TENM2: variants seen among roughly 807,000 people sequenced by gnomAD.
TENM2 encodes the protein teneurin-2.
Under a neutral mutation model 245.2 loss-of-function variants are expected in TENM2, and 52 were observed. The observed-to-expected ratio is 0.21, with a 90% CI of 0.17 to 0.27. The LOEUF (loss-of-function observed/expected upper bound fraction) is 0.27, where lower values mean the gene tolerates loss of function less well. Ranked by LOEUF, TENM2 falls within the 10% of genes least tolerant of loss-of-function variation. The probability of loss-of-function intolerance (pLI) is 1.00; values close to 1 mark genes in which losing one functional copy is unlikely to be tolerated. For synonymous variants in TENM2, 1,363 were observed against 1,438.9 expected, an observed-to-expected ratio of 0.95 and a Z score of 1.19; for missense variants, 3,046 against 3,666.8, an observed-to-expected ratio of 0.83 and a Z score of 4.37.
chr5:167,356,217 A>AGAAAAATT (rs1478898963), intron 1 of TENM2, among the ~76,000 whole-genome samples: 1 of 129,102 alleles, frequency 7.7e-6, no homozygotes, highest in African/African-American at 3.2e-5. Flanking sequence ...AAAAAAAAAA[A>AGAAAAATT]AAAATTAAAA....
chr5:168,216,832 C>G (rs1763238925), exon 22 of TENM2: 1 of 1,613,834 alleles, frequency 6.2e-7, no homozygotes, highest in Non-Finnish European at 8.5e-7. Context: ...GGAAGGTTGA[C>G]CAGAATGGAA....
intron 3 of TENM2, among the ~76,000 whole-genome samples, chr5:167,939,340 C>T (rs895953981): frequency 1.3e-5 from 2 of 152,158 alleles, no homozygotes; most frequent in Non-Finnish European, 2.9e-5. Context: ...CTAATGCTGC[C>T]ACTGATGTGA....
the TENM2 span, among the ~76,000 whole-genome samples, chr5:167,237,743 G>A: frequency 0.22 from 33,139 of 151,816 alleles, 4,213 homozygotes; most frequent in African/African-American, 0.36. Flanking sequence ...GGCGGGGCCC[G>A]ATGGCTCACG....
intron 25 of TENM2, among the ~76,000 whole-genome samples, chr5:168,241,632 C>T (rs981368474): frequency 6.6e-6 from 1 of 152,010 alleles, no homozygotes; most frequent in Non-Finnish European, 1.5e-5. Context: ...CTTATAGAAA[C>T]AGCAATGGTT....
chr5:167,418,097 A>G (rs1763264877), intron 2 of TENM2, among the ~76,000 whole-genome samples: 1 of 152,218 alleles, frequency 6.6e-6, no homozygotes, highest in Non-Finnish European at 1.5e-5. Context: ...TGGGAGGCCA[A>G]GGTGGGTGGA....
At chr5:167,673,640 C>T (rs774789625) in intron 2 of TENM2, among the ~76,000 whole-genome samples, 1 of 152,124 alleles carries the variant, frequency 6.6e-6, no homozygotes, top group Non-Finnish European at 1.5e-5. Flanking sequence ...CAAATCACTG[C>T]TCAAATACTC....
intron 13 of TENM2, among the ~76,000 whole-genome samples, chr5:168,178,719 T>C (rs1263089702): frequency 6.6e-6 from 1 of 152,190 alleles, no homozygotes; most frequent in Admixed American, 6.5e-5. Context: ...TTTCCCTTCA[T>C]AAGTCCTGTG....
the TENM2 span, among the ~76,000 whole-genome samples, chr5:166,993,467 C>A: frequency 6.6e-6 from 1 of 152,142 alleles, no homozygotes; most frequent in Admixed American, 6.5e-5. Flanking sequence ...GCTTCTTGAA[C>A]AATTCTAGAG....
intron 2 of TENM2, among the ~76,000 whole-genome samples, chr5:167,743,440 C>G (rs1228239258): frequency 1.3e-5 from 2 of 152,112 alleles, no homozygotes; most frequent in African/African-American, 2.4e-5. Flanking sequence ...GGCCACGATT[C>G]TTAAATGATG....
chr5:167,276,679 A>G, the TENM2 span, among the ~76,000 whole-genome samples: 1 of 152,104 alleles, frequency 6.6e-6, no homozygotes, highest in South Asian at 2.1e-4. Flanking sequence ...AGATTTGCGT[A>G]TAACCTATGC....
intron 3 of TENM2, among the ~76,000 whole-genome samples, chr5:167,924,342 G>A (rs1268242574): frequency 6.6e-6 from 1 of 152,212 alleles, no homozygotes; most frequent in East Asian, 1.9e-4. Flanking sequence ...GCGCTTGCCA[G>A]GAACCATTCA....
intron 2 of TENM2, among the ~76,000 whole-genome samples, chr5:167,527,855 C>T (rs1260154647): frequency 6.6e-6 from 1 of 152,050 alleles, no homozygotes; most frequent in Admixed American, 6.6e-5. Context: ...GTAGAGTTAA[C>T]CTTCAATGTA....
Position 167,741,259 on chromosome 5 carries a change from A to G in TENM2, c.503-134727A>G, listed in dbSNP as rs184925193. ...TTTGGCACTTTATGTTGTGGCCACT[A>G]TTTTTTTCCAGCATCCTTAACTGTG... On this transcript the variant is annotated intron_variant, in intron 2 of 28. Transcript: ENST00000518659. Among the ~76,000 whole-genome samples the G allele has an allele frequency of 3.6e-4, 55 of 152,118 alleles. No individual in the cohort carries two copies. The East Asian group carries it at 7.9e-3, about 22-fold the overall frequency.
At chr5:167,845,529 T>G (rs1769968098) in intron 2 of TENM2, among the ~76,000 whole-genome samples, 1 of 152,178 alleles carries the variant, frequency 6.6e-6, no homozygotes, top group Non-Finnish European at 1.5e-5. Flanking sequence ...TACAGACCCC[T>G]TTAACATTAA....
At chr5:167,902,800 C>G (rs1041091549) in intron 3 of TENM2, among the ~76,000 whole-genome samples, 3 of 152,156 alleles carry the variant, frequency 2.0e-5, no homozygotes, top group Non-Finnish European at 2.9e-5. Context: ...TTGTACTCCC[C>G]CACTTTATAT....
intron 2 of TENM2, among the ~76,000 whole-genome samples, chr5:167,577,238 T>C (rs1307287687): frequency 1.3e-5 from 2 of 152,156 alleles, no homozygotes; most frequent in African/African-American, 4.8e-5. Flanking sequence ...GGGAAGTGTA[T>C]ATGTTTTTTC....
chr5:167,794,903 G>A (rs1389221176), intron 2 of TENM2, among the ~76,000 whole-genome samples: 1 of 152,216 alleles, frequency 6.6e-6, no homozygotes, highest in Admixed American at 6.5e-5. Context: ...TCTTTTCACA[G>A]ATGTACTGTG....
intron 2 of TENM2, among the ~76,000 whole-genome samples, chr5:167,808,216 G>T (rs1335474031): frequency 6.6e-6 from 1 of 152,164 alleles, no homozygotes; most frequent in Admixed American, 6.6e-5. Flanking sequence ...TTCCTCATCT[G>T]TGAAACAACT....
chr5:168,020,350 C>T (rs1786035172), intron 5 of TENM2, among the ~76,000 whole-genome samples: 1 of 152,208 alleles, frequency 6.6e-6, no homozygotes. Context: ...TTGGAATAGA[C>T]AGTACCCACA....
Sources: gnomAD v4.1 joint callset for allele counts (sites outside exome capture counted in the v4.1 genomes callset) on GRCh38, gnomAD v4.1.1 for gene constraint, MANE v1.5 for transcripts, NCBI Gene and HGNC (gene_info 2026-07-23, HGNC 2026-07-21) for gene names.